The following MCC variants were observed in gnomAD, a reference collection of about 807,000 sequenced individuals.
MCC encodes the protein colorectal mutant cancer protein.
Under a neutral mutation model 116.2 loss-of-function variants are expected in MCC, and 90 were observed. That is an observed-to-expected ratio of 0.77 (90% CI 0.65 to 0.92). MCC has a LOEUF of 0.92. MCC is among the 40% of genes least tolerant of loss of function. MCC has a pLI of 0.00. For synonymous variants in MCC, 578 were observed against 510.5 expected (o/e 1.13, Z -1.78); for missense variants, 1,516 against 1,312.2 (o/e 1.16, Z -2.40).
chr5:113,316,050 G>C (rs577034585), intron 3 of MCC, among the ~76,000 whole-genome samples: 6 of 152,268 alleles, frequency 3.9e-5, no homozygotes, highest in African/African-American at 1.2e-4. Flanking sequence ...GAGGTCAGGA[G>C]TTTGAGACCA....
At chr5:113,114,571 G>T (rs1757286190) in intron 6 of MCC, among the ~76,000 whole-genome samples, 1 of 152,122 alleles carries the variant, frequency 6.6e-6, no homozygotes, top group Non-Finnish European at 1.5e-5. Context: ...AATCACCCAT[G>T]GCCTACCCCG....
chr5:113,028,843 G>T, intron 18 of MCC, 91 bp downstream of exon 18: 1 of 1,429,916 alleles, frequency 7.0e-7, no homozygotes, highest in Non-Finnish European at 9.5e-7. Context: ...TTAGGGAAAT[G>T]TCCATCCCTG....
chr5:113,064,719 T>G (rs1753467893), intron 13 of MCC, among the ~76,000 whole-genome samples: 1 of 152,174 alleles, frequency 6.6e-6, no homozygotes, highest in South Asian at 2.1e-4. Flanking sequence ...GACCCTTCTC[T>G]TGGCTTGGTA....
chr5:113,150,006 G>A (rs1759753034), intron 4 of MCC, among the ~76,000 whole-genome samples: 1 of 152,164 alleles, frequency 6.6e-6, no homozygotes, highest in South Asian at 2.1e-4. Flanking sequence ...AGTGCAAGGG[G>A]CCCACAGGAA....
At position 113,151,317 on chromosome 5, in the gene MCC, T is replaced by G. The variant is rs1161162262; in HGVS notation, c.733A>C (p.Lys245Gln). The G allele has an allele frequency of 1.2e-6, 2 of 1,610,760 alleles. No individual in the cohort carries two copies. Among genetic ancestry groups the G allele is most frequent in the African/African-American group, 2.7e-5 (2 of 74,844 alleles). The change falls in exon 4 of 19, where the codon AAG (lysine) becomes CAG (glutamine). Residue 245 changes from lysine to glutamine, a missense_variant. Transcript: ENST00000408903. ...ERDLLEKKLA[K>Q]AQCEQSHLMR... is the part of the protein sequence containing the mutation. ...CTTTCCAGATCCCTTACCTGTGCCTTGGCCAATTTCTTTTCCAGAAGGTCC... is the reference window on the plus strand; with the variant it reads ...CTTTCCAGATCCCTTACCTGTGCCTGGGCCAATTTCTTTTCCAGAAGGTCC...
chr5:113,410,807 C>A (rs1769969603), intron 1 of MCC, among the ~76,000 whole-genome samples: 1 of 152,170 alleles, frequency 6.6e-6, no homozygotes, highest in South Asian at 2.1e-4. Context: ...TGCCCTGTGT[C>A]CATGTGTTCT....
At chr5:113,090,537 G>A (rs577493525) in intron 8 of MCC, among the ~76,000 whole-genome samples, 8 of 152,256 alleles carry the variant, frequency 5.3e-5, no homozygotes, top group South Asian at 4.2e-4. Context: ...GGCATTGGCC[G>A]AAACAAAATT....
intron 3 of MCC, among the ~76,000 whole-genome samples, chr5:113,277,359 C>T (rs1765870000): frequency 8.4e-6 from 1 of 118,898 alleles, no homozygotes; most frequent in Admixed American, 8.3e-5. Context: ...CAGAGTGAGA[C>T]TCCATCTCAA....
chr5:113,195,896 G>T (rs547847686), intron 3 of MCC, among the ~76,000 whole-genome samples: 1 of 152,148 alleles, frequency 6.6e-6, no homozygotes, highest in East Asian at 1.9e-4. Context: ...CTACATGTGG[G>T]TCATGGTGGT....
intron 1 of MCC, among the ~76,000 whole-genome samples, chr5:113,470,393 T>C (rs1032401348): frequency 2.7e-5 from 4 of 150,888 alleles, no homozygotes; most frequent in African/African-American, 9.7e-5. Flanking sequence ...ACAAAATCTC[T>C]CAGCATTTGC....
chr5:113,439,911 C>A (rs1770983688), intron 1 of MCC, among the ~76,000 whole-genome samples: 1 of 152,124 alleles, frequency 6.6e-6, no homozygotes, highest in South Asian at 2.1e-4. Flanking sequence ...GTTGCCCACA[C>A]TGGAGTGCAG....
At chr5:113,306,955 A>G (rs533699136) in intron 3 of MCC, among the ~76,000 whole-genome samples, 3 of 152,320 alleles carry the variant, frequency 2.0e-5, no homozygotes, top group African/African-American at 7.2e-5. Context: ...GTCAAAAACC[A>G]ATTAGCCATA....
intron 1 of MCC, among the ~76,000 whole-genome samples, chr5:113,466,230 C>T (rs200486580): frequency 4.9e-4 from 74 of 151,250 alleles, no homozygotes; most frequent in East Asian, 4.5e-3. Context: ...ATGTGCACAA[C>T]GTGCAGGTTT....
chr5:113,081,896 G>A (rs74895114), intron 11 of MCC, among the ~76,000 whole-genome samples: 8,199 of 152,292 alleles, frequency 0.054, 281 homozygotes, highest in East Asian at 0.11. Context: ...AAGCAACAGC[G>A]GATGGGGAAC....
At chr5:113,248,629 T>C (rs1313160351) in intron 3 of MCC, among the ~76,000 whole-genome samples, 1 of 152,128 alleles carries the variant, frequency 6.6e-6, no homozygotes, top group Non-Finnish European at 1.5e-5. Flanking sequence ...GTTGACCCTC[T>C]AAATGCCAAG....
intron 3 of MCC, among the ~76,000 whole-genome samples, chr5:113,168,137 A>G (rs559349411): frequency 6.6e-6 from 1 of 152,344 alleles, no homozygotes; most frequent in East Asian, 1.9e-4. Flanking sequence ...CAACAAAGTT[A>G]TGCTGGATTT....
intron 3 of MCC, among the ~76,000 whole-genome samples, chr5:113,295,350 G>GTACT (rs1043916747): frequency 1.3e-5 from 2 of 152,066 alleles, no homozygotes; most frequent in African/African-American, 2.4e-5. Context: ...TCAGTCTAAA[G>GTACT]TCAACGCTAC....
At chr5:113,410,525 G>T (rs193089094) in intron 1 of MCC, among the ~76,000 whole-genome samples, 38 of 152,280 alleles carry the variant, frequency 2.5e-4, no homozygotes, top group Admixed American at 1.2e-3. Flanking sequence ...TGATTCCAGG[G>T]CTTTGGAAGG....
intron 1 of MCC, among the ~76,000 whole-genome samples, chr5:113,385,423 G>T (rs1204617876): frequency 6.6e-6 from 1 of 152,156 alleles, no homozygotes; most frequent in Non-Finnish European, 1.5e-5. Flanking sequence ...ATTTGGAATG[G>T]TGAGGCAACT....
Sources: gnomAD v4.1 joint callset for allele counts (sites outside exome capture counted in the v4.1 genomes callset) on GRCh38, gnomAD v4.1.1 for gene constraint, MANE v1.5 for transcripts, NCBI Gene and HGNC (gene_info 2026-07-23, HGNC 2026-07-21) for gene names.